ABCC1: variants seen among roughly 807,000 people sequenced by gnomAD.
The protein encoded by ABCC1 is ATP binding cassette subfamily C member 1 (ABCC1 blood group), also known as multidrug resistance-associated protein 1.
A neutral mutation model predicts 172.9 loss-of-function variants in ABCC1; 83 were observed. The observed-to-expected ratio is 0.48, with a 90% CI of 0.40 to 0.58. The LOEUF is 0.58. Ranked by LOEUF, ABCC1 falls within the 20% of genes least tolerant of loss-of-function variation. ABCC1 has a pLI of 0.00. For synonymous variants in ABCC1, 937 were observed against 825.2 expected, an observed-to-expected ratio of 1.14 and a Z score of -2.32; for missense variants, 1,817 against 2,002.7, an observed-to-expected ratio of 0.91 and a Z score of 1.77.
At chr16:15,949,882 GGCACCCC>G in intron 1 of ABCC1, 83 bp downstream of exon 1, 1 of 1,113,322 alleles carries the variant, frequency 9.0e-7, no homozygotes, top group Non-Finnish European at 1.1e-6. Flanking sequence ...AGCCGCCCGG[GGCACCCC>G]GCTCCCCGCT....
chr16:16,122,580 A>T (rs1223578539), intron 24 of ABCC1, among the ~76,000 whole-genome samples: 1 of 152,040 alleles, frequency 6.6e-6, no homozygotes. Flanking sequence ...GCTAAACCAT[A>T]TGAGATTGTC....
rs1239360725 is a variant in ABCC1 at position 16,056,202 on chromosome 16, G to C, written c.1584G>C (p.Val528=). The C allele has an allele frequency of 1.2e-6, 2 of 1,614,092 alleles. No homozygotes were observed. The highest frequency in any genetic ancestry group is 2.7e-5 in the African/African-American group (2 of 74,946). Residue 528 remains valine, a synonymous_variant, in exon 12 of 31, where the codon GTG becomes GTC. Transcript: ENST00000399410. The part of the protein sequence containing the change: ...YAWELAFKDK[V]LAIRQEELKV... Reference sequence around the variant, plus strand: ...GGGAGCTGGCATTCAAGGACAAGGTGCTGGCCATCAGGCAGGAGGAGCTGA... The same window carrying C: ...GGGAGCTGGCATTCAAGGACAAGGTCCTGGCCATCAGGCAGGAGGAGCTGA...
intron 5 of ABCC1, among the ~76,000 whole-genome samples, chr16:16,021,786 A>G (rs149702322): frequency 6.8e-4 from 104 of 152,296 alleles, no homozygotes; most frequent in African/African-American, 2.4e-3. Flanking sequence ...AGCAATTGAG[A>G]TGGGGGCAAG....
At chr16:16,071,615 T>G (rs1206395212) in intron 13 of ABCC1, 27 bp from the exon 14 acceptor site, 1 of 1,604,434 alleles carries the variant, frequency 6.2e-7, no homozygotes, top group African/African-American at 1.3e-5. Flanking sequence ...TAAAAATAAC[T>G]CTCCCCTGCC....
At position 16,132,510 on chromosome 16, in the gene ABCC1, G is replaced by GGTT. The variant is rs1277380301; in HGVS notation, c.3966+575_3966+576insGTT. Among the ~76,000 whole-genome samples the GGTT allele has an allele frequency of 4.1e-3, 154 of 37,304 alleles. 1 individual carries two copies. The highest frequency in any genetic ancestry group is 5.0e-3 in the Non-Finnish European group (100 of 20,120). The allele number at this position is 37,304 out of a possible 152,430, so 24.5% of individuals were successfully genotyped here. ...TTCTTTTTTTGTTTTTTGGTTGGTT[G>GGTT]TTTTTTTTTTTTTTTTTTTTTTTTT... On this transcript the variant is annotated intron_variant, in intron 27 of 30. Coordinates refer to ENST00000399410, the MANE Select transcript of ABCC1 (RefSeq NM_004996.4).
At position 15,993,325 on chromosome 16, in the gene ABCC1, C is replaced by T. The variant is rs45459807; in HGVS notation, c.49-14491C>T. On this transcript the variant is annotated intron_variant, in intron 1 of 30. Coordinates refer to ENST00000399410, the MANE Select transcript of ABCC1 (RefSeq NM_004996.4). ...GAACACCAGCTCCTGCAACCTGGCA[C>T]TTGGGTCACCTGATTGAACCCTCCT... Among the ~76,000 whole-genome samples, 40 of 152,294 alleles carry T rather than the reference C, an allele frequency of 2.6e-4. No individual in the cohort carries two copies. In the East Asian group the frequency reaches 7.3e-3, roughly 28 times the overall value.
chr16:16,092,407 C>T (rs1193399774), intron 19 of ABCC1, among the ~76,000 whole-genome samples: 3 of 152,184 alleles, frequency 2.0e-5, no homozygotes, highest in Non-Finnish European at 4.4e-5. Flanking sequence ...ACCTCCGAAG[C>T]CCTAGGCAAC....
chr16:15,999,817 T>TCTCTCTC (rs1555478364), intron 1 of ABCC1, among the ~76,000 whole-genome samples: 1 of 66,196 alleles, frequency 1.5e-5, no homozygotes, highest in Non-Finnish European at 3.4e-5. Flanking sequence ...CTCCTCTCTC[T>TCTCTCTC]CTCTCTCTCT....
At chr16:16,014,338 T>C (rs957846859) in intron 3 of ABCC1, among the ~76,000 whole-genome samples, 153 bp from the exon 4 acceptor site, 2 of 152,100 alleles carry the variant, frequency 1.3e-5, no homozygotes, top group Non-Finnish European at 2.9e-5. Flanking sequence ...CCCAGCTACT[T>C]GGGAAGCTGA....
chr16:16,023,750 G>A (rs1332308585), intron 5 of ABCC1, among the ~76,000 whole-genome samples: 1 of 152,164 alleles, frequency 6.6e-6, no homozygotes, highest in Non-Finnish European at 1.5e-5. Context: ...TCAGCCTGGG[G>A]CTCCAGGGCT....
chr16:15,967,257 C>T (rs2046263517), intron 1 of ABCC1, among the ~76,000 whole-genome samples: 1 of 151,924 alleles, frequency 6.6e-6, no homozygotes, highest in African/African-American at 2.4e-5. Context: ...GTGAAGAGGC[C>T]AAGTTCAGGA....
intron 1 of ABCC1, among the ~76,000 whole-genome samples, chr16:15,998,589 C>A (rs1409413556): frequency 6.6e-6 from 1 of 152,170 alleles, no homozygotes; most frequent in Admixed American, 6.5e-5. Flanking sequence ...CCTTCCTTCC[C>A]TTCCTTCTGC....
rs77095968 is a variant in ABCC1, at chr16:15,975,396, T to G, written c.48+25597T>G. Among the ~76,000 whole-genome samples, 423 of 152,260 alleles carry G rather than the reference T, an allele frequency of 2.8e-3. 10 individuals carry two copies. The South Asian group carries it at 0.059, about 21-fold the overall frequency. Reference sequence around the variant, plus strand: ...AGCTTGTACACGTTGTTCCTTTTCTTGCTGGAGTTATTTCCTTTAGACTCC... The same window carrying G: ...AGCTTGTACACGTTGTTCCTTTTCTGGCTGGAGTTATTTCCTTTAGACTCC... On this transcript the variant is annotated intron_variant, in intron 1 of 30. Transcript: ENST00000399410.
At chr16:15,964,294 A>C (rs2046198881) in intron 1 of ABCC1, among the ~76,000 whole-genome samples, 1 of 152,108 alleles carries the variant, frequency 6.6e-6, no homozygotes, top group Non-Finnish European at 1.5e-5. Flanking sequence ...GCTGCTTAGT[A>C]ATTTCTTCCC....
chr16:16,135,333 T>TA (rs2045879029), intron 28 of ABCC1, among the ~76,000 whole-genome samples: 1 of 152,214 alleles, frequency 6.6e-6, no homozygotes, highest in Non-Finnish European at 1.5e-5. Flanking sequence ...TGTCCCCACT[T>TA]ATGGAGGCTC....
intron 1 of ABCC1, among the ~76,000 whole-genome samples, chr16:15,950,328 C>T (rs1287102034): frequency 4.6e-5 from 7 of 151,922 alleles, no homozygotes; most frequent in Admixed American, 3.3e-4. Flanking sequence ...TCTGTGGTTA[C>T]CTAGCTTTGT....
chr16:16,097,460 G>A (rs1019477913), intron 19 of ABCC1, among the ~76,000 whole-genome samples: 2 of 152,184 alleles, frequency 1.3e-5, no homozygotes, highest in African/African-American at 4.8e-5. Flanking sequence ...ACTAAGAAAA[G>A]AGCCTGACAC....
At chr16:16,086,229 C>A (rs1306599778) in intron 17 of ABCC1, among the ~76,000 whole-genome samples, 1 of 152,226 alleles carries the variant, frequency 6.6e-6, no homozygotes, top group Non-Finnish European at 1.5e-5. Flanking sequence ...CCCTGCTCAG[C>A]ACCTCACGGG....
intron 19 of ABCC1, chr16:16,098,302 T>A (rs2051570279): frequency 6.1e-6 from 1 of 163,054 alleles, no homozygotes. Flanking sequence ...ATTATTTGTT[T>A]AGCTCTATTT....
Sources: gnomAD v4.1 joint callset for allele counts (sites outside exome capture counted in the v4.1 genomes callset) on GRCh38, gnomAD v4.1.1 for gene constraint, MANE v1.5 for transcripts, NCBI Gene and HGNC (gene_info 2026-07-23, HGNC 2026-07-21) for gene names.